The following TBC1D22A variants were observed in gnomAD, a reference collection of about 807,000 sequenced individuals.
TBC1D22A encodes the protein putative GTPase activator.
Under a neutral mutation model 60.2 loss-of-function variants are expected in TBC1D22A, and 38 were observed. The observed-to-expected ratio is 0.63, with a 90% CI of 0.49 to 0.83. The LOEUF (loss-of-function observed/expected upper bound fraction) is 0.83. Among genes scored for constraint, TBC1D22A ranks in the 40% least tolerant of loss-of-function variants. The pLI is 0.00. For missense variants in TBC1D22A, 628 were observed against 701.0 expected (o/e 0.90, Z 1.18); for synonymous variants, 302 against 281.7 (o/e 1.07, Z -0.72).
intron 11 of TBC1D22A, among the ~76,000 whole-genome samples, chr22:47,044,308 C>T (rs571096178): frequency 8.3e-4 from 126 of 152,348 alleles, no homozygotes; most frequent in Non-Finnish European, 4.4e-5. Context: ...TGGGTGTCCT[C>T]AGCCCTGCCT....
chr22:46,966,039 C>A (rs1037801747), intron 8 of TBC1D22A, among the ~76,000 whole-genome samples: 3 of 152,322 alleles, frequency 2.0e-5, no homozygotes, highest in Middle Eastern at 6.8e-3. Flanking sequence ...ACCACTCTAA[C>A]AAACAGCTGT....
chr22:46,840,756 A>T (rs546321911), intron 4 of TBC1D22A, among the ~76,000 whole-genome samples: 1 of 152,052 alleles, frequency 6.6e-6, no homozygotes, highest in East Asian at 1.9e-4. Context: ...AAGACAAATG[A>T]TAACAAGCAT....
At chr22:47,026,167 A>G (rs1250636818) in intron 10 of TBC1D22A, among the ~76,000 whole-genome samples, 2 of 152,244 alleles carry the variant, frequency 1.3e-5, no homozygotes, top group Admixed American at 6.5e-5. Context: ...ATCATTTGAC[A>G]CAATCCAATA....
intron 8 of TBC1D22A, among the ~76,000 whole-genome samples, chr22:46,948,220 GGA>G (rs1208650831): frequency 6.6e-6 from 1 of 152,190 alleles, no homozygotes; most frequent in Admixed American, 6.5e-5. Context: ...CCCTTAAGCA[GGA>G]AAGATTTTCA....
At chr22:46,926,407 T>C (rs986611258) in intron 8 of TBC1D22A, among the ~76,000 whole-genome samples, 1 of 152,140 alleles carries the variant, frequency 6.6e-6, no homozygotes, top group Admixed American at 6.5e-5. Context: ...ATACACAGCA[T>C]TAAAGTAATA....
rs1490774480 is a variant in TBC1D22A, at chr22:47,127,208, TA to T, written c.1425+15606del. On this transcript the variant is annotated intron_variant, in intron 12 of 12. Transcript: ENST00000337137. ...GAATTGGCATGGATTTTTTTGTCTT[TA>T]TCTTTTTTTTTCTTTTTCTCTTTTT... Among the ~76,000 whole-genome samples, 952 of 150,260 alleles carry T rather than the reference TA, an allele frequency of 6.3e-3. 9 individuals are homozygous for T. Among genetic ancestry groups the T allele is most frequent in the African/African-American group, 0.022 (903 of 41,084 alleles).
intron 5 of TBC1D22A, among the ~76,000 whole-genome samples, chr22:46,881,427 G>A (rs762258150): frequency 6.6e-5 from 10 of 152,178 alleles, no homozygotes; most frequent in African/African-American, 1.4e-4. Flanking sequence ...CCTAGGCTAC[G>A]TGGAGACGGA....
At chr22:47,151,780 G>A (rs185747151) in intron 12 of TBC1D22A, among the ~76,000 whole-genome samples, 12 of 152,254 alleles carry the variant, frequency 7.9e-5, no homozygotes, top group East Asian at 1.9e-4. Context: ...CTGGGGGAAC[G>A]GAGAGCATAA....
At chr22:47,102,301 C>G (rs1414556186) in intron 11 of TBC1D22A, among the ~76,000 whole-genome samples, 1 of 152,184 alleles carries the variant, frequency 6.6e-6, no homozygotes, top group African/African-American at 2.4e-5. Context: ...TGTGAGTCAG[C>G]CAGTGCTCAT....
At chr22:47,124,075 T>G (rs58387757) in intron 12 of TBC1D22A, among the ~76,000 whole-genome samples, 12,044 of 152,076 alleles carry the variant, frequency 0.079, 1,556 homozygotes, top group African/African-American at 0.27. Flanking sequence ...ACTGCCGGAT[T>G]AGGCCTCCCC....
intron 5 of TBC1D22A, among the ~76,000 whole-genome samples, chr22:46,888,201 A>G (rs114503001): frequency 0.014 from 2,133 of 152,338 alleles, 65 homozygotes; most frequent in African/African-American, 0.049. Flanking sequence ...ACTGTCAGTC[A>G]TGGTGGCTGG....
chr22:46,969,757 C>A (rs1428724720), intron 8 of TBC1D22A, among the ~76,000 whole-genome samples: 1 of 152,070 alleles, frequency 6.6e-6, no homozygotes, highest in Non-Finnish European at 1.5e-5. Flanking sequence ...AACTTGGTGT[C>A]CCCAGAGTAT....
chr22:47,020,849 TACAGG>T (rs2062061753), intron 10 of TBC1D22A, among the ~76,000 whole-genome samples: 3 of 146,664 alleles, frequency 2.0e-5, no homozygotes, highest in East Asian at 2.0e-4. Flanking sequence ...ATTATATAAT[TACAGG>T]ATTATATAAT....
intron 4 of TBC1D22A, among the ~76,000 whole-genome samples, chr22:46,798,808 C>CCAGGAGCCACG (rs1189274228): frequency 6.6e-6 from 1 of 152,234 alleles, no homozygotes; most frequent in Admixed American, 6.5e-5. Flanking sequence ...GGATGGGCCG[C>CCAGGAGCCACG]CAGGAGCCAC....
chr22:46,830,163 G>T (rs1025685620), intron 4 of TBC1D22A, among the ~76,000 whole-genome samples: 4 of 152,228 alleles, frequency 2.6e-5, no homozygotes, highest in Admixed American at 2.6e-4. Flanking sequence ...CAGGCGTGCC[G>T]CACCCAAGGC....
At chr22:46,919,394 T>G (rs948924074) in intron 8 of TBC1D22A, among the ~76,000 whole-genome samples, 2 of 152,256 alleles carry the variant, frequency 1.3e-5, no homozygotes, top group African/African-American at 2.4e-5. Flanking sequence ...GTTGTGTTTC[T>G]CCACTCATCT....
At chr22:46,918,757 G>A (rs1202413273) in intron 8 of TBC1D22A, among the ~76,000 whole-genome samples, 1 of 152,210 alleles carries the variant, frequency 6.6e-6, no homozygotes, top group African/African-American at 2.4e-5. Flanking sequence ...AGAAATGGGG[G>A]CCTGAATGTT....
chr22:47,106,585 G>T (rs939551405), intron 11 of TBC1D22A, among the ~76,000 whole-genome samples: 2 of 152,072 alleles, frequency 1.3e-5, no homozygotes, highest in Admixed American at 1.3e-4. Context: ...CTCTGAGAGG[G>T]TTTACAACCA....
In TBC1D22A at chr22:46,997,829, A is replaced by G. The variant is rs550060517; in HGVS notation, c.1201+120A>G. 122 of 791,620 alleles carry G rather than the reference A, an allele frequency of 1.5e-4. 1 individual carries two copies. Among genetic ancestry groups the G allele is most frequent in the Non-Finnish European group, 2.2e-4 (106 of 479,800 alleles). 49.0% of individuals were successfully genotyped at this position (791,620 alleles called of 1,614,324 possible). ...CATCCTGGCCTGCTCAGGATCCCTC[A>G]TGGGCATCCTTCTGAGACAGCTGCT... On this transcript the variant is annotated intron_variant, in intron 10 of 12. Coordinates refer to ENST00000337137, the MANE Select transcript of TBC1D22A (RefSeq NM_014346.5).
Sources: allele counts gnomAD v4.1 joint callset (sites outside exome capture counted in the v4.1 genomes callset), GRCh38; gene constraint gnomAD v4.1.1; transcripts MANE v1.5; gene names NCBI Gene and HGNC (gene_info 2026-07-23, HGNC 2026-07-21).